Variants in GABRG2 observed in about 807,000 individuals in gnomAD.
GABRG2 encodes the protein gamma-aminobutyric acid type A receptor subunit gamma2.
Under a neutral mutation model 56.4 loss-of-function variants are expected in GABRG2, and 16 were observed. That is an observed-to-expected ratio of 0.28 (90% CI 0.19 to 0.43). The LOEUF (loss-of-function observed/expected upper bound fraction) is 0.43. GABRG2 is among the 20% of genes least tolerant of loss of function. The pLI is 1.00. For synonymous variants in GABRG2, 208 were observed against 205.5 expected, an observed-to-expected ratio of 1.01 and a Z score of -0.10; for missense variants, 327 against 582.7, an observed-to-expected ratio of 0.56 and a Z score of 4.52.
At chr5:162,114,136 C>T (rs1347937698) in intron 6 of GABRG2, among the ~76,000 whole-genome samples, 1 of 152,072 alleles carries the variant, frequency 6.6e-6, no homozygotes, top group African/African-American at 2.4e-5. Flanking sequence ...ATATCCTAAA[C>T]ATCTGAGAAA....
In GABRG2 at chr5:162,067,947, G is replaced by T. The variant is rs541552445; in HGVS notation, c.-53G>T. 1.3e-4 allele frequency: 163 copies of T among 1,217,614 alleles called. No homozygotes were observed. In the African/African-American group the frequency reaches 2.2e-3, roughly 16 times the overall value. 75.4% of individuals were successfully genotyped at this position (1,217,614 alleles called of 1,614,324 possible). On this transcript the variant is annotated 5_prime_UTR_variant, in exon 1 of 10. Transcript: ENST00000639213. ...GCATAAGAATAATACAAAGGGGAGG[G>T]ATTCTTCTGCAACCAAGAGGCAAGA... is the stretch of plus-strand genomic sequence containing the variant.
Position 162,142,219 on chromosome 5 carries a change from T to C in GABRG2, c.825T>C (p.Phe275=). The change falls in exon 7 of 10, where the codon TTT becomes TTC. Residue 275 remains phenylalanine (F), a synonymous_variant. Transcript: ENST00000639213. The stretch of plus-strand genomic sequence containing the variant: ...ATCTGAGCAGAAGAATGGGATACTT[T>C]ACCATCCAGACCTATATCCCCTGCA... ...YFDLSRRMGY[F]TIQTYIPCTL... is the part of the protein sequence containing the mutation. The C allele has an allele frequency of 6.2e-7, 1 of 1,614,034 alleles. No homozygotes were observed.
chr5:162,103,901 G>T lies in GABRG2; in HGVS notation c.644G>T (p.Arg215Leu), dbSNP rs1561645172. 1 of 1,613,902 alleles carries T rather than the reference G, an allele frequency of 6.2e-7. No homozygotes were observed. The highest frequency in any genetic ancestry group is 8.5e-7 in the Non-Finnish European group (1 of 1,179,924). ...PLEFSSYGYP[R>L]EEIVYQWKRS... is the part of the protein sequence containing the mutation. ...TATCTCACGGCAGATGGCTATCCAC[G>T]TGAAGAAATTGTTTATCAATGGAAG... The change falls in exon 6 of 10, where the codon CGT (arginine) becomes CTT (leucine). Residue 215 changes from arginine (R) to leucine (L), a missense_variant. This residue lies in a region of GABRG2 where 104 missense variants were observed against 209.3 expected (regional missense o/e 0.50). Coordinates refer to ENST00000639213, the MANE Select transcript of GABRG2 (RefSeq NM_198904.4).
chr5:162,152,967 T>A (rs1765481412), intron 9 of GABRG2, 126 bp from the exon 10 acceptor site: 1 of 1,111,492 alleles, frequency 9.0e-7, no homozygotes, highest in Non-Finnish European at 1.4e-6. Context: ...TAGATCATGA[T>A]GTCATAGCAA....
rs1765533408 is a variant in GABRG2, at chr5:162,153,700, T to C, written c.*332T>C. 5.1e-6 allele frequency: 2 copies of C among 390,526 alleles called. No individual in the cohort carries two copies. The highest frequency in any genetic ancestry group is 5.5e-5 in the East Asian group (1 of 18,228). 24.2% of individuals were successfully genotyped at this position (390,526 alleles called of 1,614,324 possible). The stretch of plus-strand genomic sequence containing the variant: ...TTACAGTAGTGGTATCCTTACTAGA[T>C]TCATAATGCAATTAGATAGAAAAGG... On this transcript the variant is annotated 3_prime_UTR_variant, in exon 10 of 10. Transcript: ENST00000639213.
chr5:162,134,923 G>C (rs1764011631), intron 6 of GABRG2, among the ~76,000 whole-genome samples: 1 of 152,012 alleles, frequency 6.6e-6, no homozygotes, highest in South Asian at 2.1e-4. Flanking sequence ...ATATTCAGAT[G>C]GAGTCTTTAA....
At chr5:162,127,702 C>T (rs768315171) in intron 6 of GABRG2, among the ~76,000 whole-genome samples, 2 of 151,936 alleles carry the variant, frequency 1.3e-5, no homozygotes, top group Non-Finnish European at 2.9e-5. Flanking sequence ...ATCCCCTCCA[C>T]AATGCAAATG....
At chr5:162,142,506 C>T (rs77795557) in intron 7 of GABRG2, 190 bp downstream of exon 7, 16,911 of 589,928 alleles carry the variant, frequency 0.029, 890 homozygotes, top group East Asian at 0.19. Flanking sequence ...ACCCAAATGT[C>T]CATCAATGAT....
At chr5:162,067,692 C>T (rs1758317446), upstream of GABRG2, 5 of 600,860 alleles carry the variant, frequency 8.3e-6, no homozygotes, top group Non-Finnish European at 1.5e-5. Flanking sequence ...TTTCCCTCTC[C>T]CTTATTTGTC....
chr5:162,131,967 G>T (rs918266475), intron 6 of GABRG2, among the ~76,000 whole-genome samples: 5 of 151,648 alleles, frequency 3.3e-5, no homozygotes, highest in African/African-American at 1.2e-4. Flanking sequence ...CTTAGGTTTT[G>T]GGTGGCATTC....
intron 8 of GABRG2, 35 bp downstream of exon 8, chr5:162,149,348 T>C (rs1227064377): frequency 5.6e-6 from 9 of 1,604,282 alleles, no homozygotes; most frequent in Non-Finnish European, 7.7e-6. Flanking sequence ...CATTGAAATT[T>C]TTATGATTTC....
At chr5:162,119,571 G>A (rs1180983817) in intron 6 of GABRG2, among the ~76,000 whole-genome samples, 3 of 152,042 alleles carry the variant, frequency 2.0e-5, no homozygotes, top group Non-Finnish European at 4.4e-5. Flanking sequence ...TAGGGTTCAA[G>A]AAGGTAAATT....
intron 6 of GABRG2, among the ~76,000 whole-genome samples, chr5:162,141,289 G>T (rs985379100): frequency 6.6e-6 from 1 of 152,026 alleles, no homozygotes; most frequent in Non-Finnish European, 1.5e-5. Context: ...CGCCCTCCTC[G>T]GCCTCCCAAA....
Position 162,142,202 on chromosome 5 carries a change from A to C in GABRG2, c.808A>C (p.Arg270=), listed in dbSNP as rs796052520. The change falls in exon 7 of 10, where the codon AGA becomes CGA. Residue 270 remains arginine, a synonymous_variant. Coordinates refer to ENST00000639213, the MANE Select transcript of GABRG2 (RefSeq NM_198904.4). ...CATGTCTGTCTACTTTGATCTGAGCAGAAGAATGGGATACTTTACCATCCA... is the reference window on the plus strand; with the variant it reads ...CATGTCTGTCTACTTTGATCTGAGCCGAAGAATGGGATACTTTACCATCCA... ...VVMSVYFDLS[R]RMGYFTIQTY... The C allele has an allele frequency of 3.1e-6, 5 of 1,613,992 alleles. No homozygotes were observed. The Admixed American group carries it at 5.0e-5, about 16-fold the overall frequency.
rs150929063 is a variant in GABRG2, at chr5:162,076,392, C to T, written c.107+8286C>T. Reference sequence around the variant, plus strand: ...TGTAGAAGAGGGATTTTTTTAAATACAACTTTTCTAATTCTTCAGTTTCTT... The same window carrying T: ...TGTAGAAGAGGGATTTTTTTAAATATAACTTTTCTAATTCTTCAGTTTCTT... On this transcript the variant is annotated intron_variant, in intron 1 of 9. Coordinates refer to ENST00000639213, the MANE Select transcript of GABRG2 (RefSeq NM_198904.4). Among the ~76,000 whole-genome samples the T allele has an allele frequency of 1.1e-4, 17 of 152,130 alleles. No homozygotes were observed. In the East Asian group the frequency reaches 3.1e-3, roughly 28 times the overall value.
chr5:162,069,521 A>G (rs1758500039), intron 1 of GABRG2, among the ~76,000 whole-genome samples: 1 of 152,192 alleles, frequency 6.6e-6, no homozygotes. Flanking sequence ...TAAGATGGGT[A>G]ATAAGACAGA....
chr5:162,109,673 T>G (rs1001053444), intron 6 of GABRG2, among the ~76,000 whole-genome samples: 1 of 152,014 alleles, frequency 6.6e-6, no homozygotes, highest in African/African-American at 2.4e-5. Context: ...AGTATATCAT[T>G]CATCAATGAA....
chr5:162,096,699 G>A (rs534066638), intron 3 of GABRG2, among the ~76,000 whole-genome samples: 2 of 151,740 alleles, frequency 1.3e-5, no homozygotes, highest in East Asian at 3.9e-4. Flanking sequence ...TGTGATTGAG[G>A]CAAAAGACTC....
At position 162,135,025 on chromosome 5, in the gene GABRG2, A is replaced by G. The variant is rs192771155; in HGVS notation, c.770-7139A>G. On this transcript the variant is annotated intron_variant, in intron 6 of 9. Transcript: ENST00000639213. ...ATTTTGTTCTTCACGAACTTAATAGATGAAATCAGAACGGCAAAGTTTTTA... is the reference window on the plus strand; with the variant it reads ...ATTTTGTTCTTCACGAACTTAATAGGTGAAATCAGAACGGCAAAGTTTTTA... 2.4e-4 allele frequency among the ~76,000 whole-genome samples: 37 copies of G among 152,344 alleles called. No homozygotes were observed. The East Asian group carries it at 7.1e-3, about 29-fold the overall frequency.
Sources: gnomAD v4.1 joint callset for allele counts (sites outside exome capture counted in the v4.1 genomes callset) on GRCh38, gnomAD v4.1.1 for gene constraint, gnomAD v4.1.1 regional missense constraint, MANE v1.5 for transcripts, NCBI Gene and HGNC (gene_info 2026-07-23, HGNC 2026-07-21) for gene names.